NLGN1: variants seen among roughly 807,000 people sequenced by gnomAD.
NLGN1 encodes the protein neuroligin 1.
NLGN1 carries 12 observed loss-of-function variants against 65.5 expected under a neutral mutation model. The ratio of observed to expected loss-of-function variants is 0.18; its 90% CI spans 0.12 to 0.30. The LOEUF (loss-of-function observed/expected upper bound fraction) is 0.30, where lower values mean the gene tolerates loss of function less well. NLGN1 is among the 10% of genes least tolerant of loss of function. The probability of loss-of-function intolerance (pLI) is 1.00; values close to 1 mark genes in which losing one functional copy is unlikely to be tolerated. For synonymous variants in NLGN1, 350 were observed against 359.5 expected (o/e 0.97, Z 0.30); for missense variants, 750 against 1,007.1 (o/e 0.74, Z 3.46).
chr3:173,782,324 T>C (rs957051539), intron 3 of NLGN1, among the ~76,000 whole-genome samples: 4 of 152,092 alleles, frequency 2.6e-5, no homozygotes, highest in Non-Finnish European at 4.4e-5. Flanking sequence ...AGCAAATTAA[T>C]TGAATGCATT....
intron 3 of NLGN1, among the ~76,000 whole-genome samples, chr3:173,730,711 T>TA (rs546699996): frequency 2.0e-5 from 3 of 151,806 alleles, no homozygotes; most frequent in Admixed American, 6.6e-5. Flanking sequence ...ACGCTGCAAA[T>TA]AAAAAAATGA....
rs368821206 is a variant in NLGN1, at chr3:174,271,338, C to CTTGT, written c.647-3973_647-3970dup. Among the ~76,000 whole-genome samples, 355 of 151,258 alleles carry CTTGT rather than the reference C, an allele frequency of 2.3e-3. 2 individuals carry two copies. The highest frequency in any genetic ancestry group is 7.9e-3 in the African/African-American group (327 of 41,292). On this transcript the variant is annotated intron_variant, in intron 4 of 6. Coordinates refer to ENST00000457714, the Ensembl canonical transcript of NLGN1. The stretch of plus-strand genomic sequence containing the variant: ...AACATTCTAAAGATATTTGTACATG[C>CTTGT]TTGTTTGATTGTATTGTAAGAGACC...
chr3:173,801,524 A>C (rs1480807578), intron 3 of NLGN1, among the ~76,000 whole-genome samples: 1 of 152,054 alleles, frequency 6.6e-6, no homozygotes, highest in Admixed American at 6.5e-5. Flanking sequence ...TTTTACTAAA[A>C]TATTTGCCTT....
intron 3 of NLGN1, among the ~76,000 whole-genome samples, chr3:173,684,094 C>A (rs1764350689): frequency 2.6e-5 from 4 of 151,966 alleles, no homozygotes; most frequent in Admixed American, 2.0e-4. Context: ...TTGTATATAA[C>A]AAGTGTACCT....
chr3:174,028,331 T>C (rs1729259956), intron 4 of NLGN1, among the ~76,000 whole-genome samples: 3 of 152,124 alleles, frequency 2.0e-5, no homozygotes, highest in Admixed American at 1.3e-4. Flanking sequence ...TGAATGACTT[T>C]GAAAAAATGC....
chr3:174,119,469 G>C (rs1366100733), intron 4 of NLGN1, among the ~76,000 whole-genome samples: 1 of 151,906 alleles, frequency 6.6e-6, no homozygotes, highest in South Asian at 2.1e-4. Context: ...TTAAAATTTT[G>C]TGCCAACCTA....
At chr3:173,632,144 T>C (rs547200247) in intron 3 of NLGN1, among the ~76,000 whole-genome samples, 1 of 152,284 alleles carries the variant, frequency 6.6e-6, no homozygotes, top group East Asian at 1.9e-4. Context: ...TTCCAGATTG[T>C]AGGGAATGAA....
At chr3:174,142,020 A>T (rs1222697459) in intron 4 of NLGN1, among the ~76,000 whole-genome samples, 1 of 152,124 alleles carries the variant, frequency 6.6e-6, no homozygotes, top group East Asian at 1.9e-4. Context: ...GTACCCTTCT[A>T]ATCTCAACTT....
chr3:173,847,465 A>G (rs1725997628), intron 4 of NLGN1, among the ~76,000 whole-genome samples: 2 of 152,196 alleles, frequency 1.3e-5, no homozygotes, highest in African/African-American at 4.8e-5. Context: ...GTTTCCAACA[A>G]TGATGGCTAC....
At chr3:173,707,799 G>T (rs1402030676) in intron 3 of NLGN1, among the ~76,000 whole-genome samples, 1 of 152,144 alleles carries the variant, frequency 6.6e-6, no homozygotes, top group Non-Finnish European at 1.5e-5. Flanking sequence ...TAGCTTGCCT[G>T]CTGCCAATAT....
chr3:173,725,026 C>A (rs1560241912), intron 3 of NLGN1, among the ~76,000 whole-genome samples: 1 of 149,588 alleles, frequency 6.7e-6, no homozygotes, highest in Non-Finnish European at 1.5e-5. Flanking sequence ...ATCCAGGGGC[C>A]TATTGTGGGG....
intron 2 of NLGN1, among the ~76,000 whole-genome samples, chr3:173,592,827 A>G (rs1269580263): frequency 6.6e-6 from 1 of 152,170 alleles, no homozygotes; most frequent in African/African-American, 2.4e-5. Context: ...GTATGATTAT[A>G]ATGATTCTCA....
intron 2 of NLGN1, among the ~76,000 whole-genome samples, chr3:173,600,680 A>G (rs1296697802): frequency 7.0e-6 from 1 of 142,762 alleles, no homozygotes; most frequent in Non-Finnish European, 1.5e-5. Context: ...TTCATCATGT[A>G]TTTATTGAAC....
chr3:173,508,497 G>A (rs779967111), intron 2 of NLGN1, among the ~76,000 whole-genome samples: 4 of 152,196 alleles, frequency 2.6e-5, no homozygotes, highest in South Asian at 2.1e-4. Context: ...GAGGCTCCCC[G>A]TATTATACAT....
chr3:173,818,790 G>A (rs984414258), intron 4 of NLGN1, among the ~76,000 whole-genome samples: 15 of 151,288 alleles, frequency 9.9e-5, no homozygotes, highest in Admixed American at 7.2e-4. Flanking sequence ...TAACAACAAA[G>A]ATATGGGTCT....
rs147885047 is a variant in NLGN1, at chr3:174,269,430, A to G, written c.647-5885A>G. On this transcript the variant is annotated intron_variant, in intron 4 of 6. Coordinates refer to ENST00000457714, the Ensembl canonical transcript of NLGN1. ...ATATTTCATATGAGTAGAATCCTAC[A>G]GTATTTGCTTTTTTTGTGACTGGCT... 3.0e-4 allele frequency among the ~76,000 whole-genome samples: 46 copies of G among 152,020 alleles called. No individual in the cohort carries two copies. In the East Asian group the frequency reaches 8.7e-3, roughly 29 times the overall value.
Position 173,971,744 on chromosome 3 carries a change from T to C in NLGN1, c.646+163912T>C, listed in dbSNP as rs1716290169. ...AAGGCATGAAGGACTGGTTCCTAACTCATACCAAAAAGCCAATACTTGTGT... is the reference window on the plus strand; with the variant it reads ...AAGGCATGAAGGACTGGTTCCTAACCCATACCAAAAAGCCAATACTTGTGT... On this transcript the variant is annotated intron_variant, in intron 4 of 6. Transcript: ENST00000457714. Among the ~76,000 whole-genome samples the C allele has an allele frequency of 2.0e-5, 3 of 152,034 alleles. No individual in the cohort carries two copies. In the South Asian group the frequency reaches 6.2e-4, roughly 32 times the overall value.
rs745397560 is a variant in NLGN1 at position 173,539,662 on chromosome 3, T to TATATGTACATATATAACATATATGTAC, written c.-320-64612_-320-64611insTACATATATAACATATATGTACATATG. Among the ~76,000 whole-genome samples, 314 of 116,136 alleles carry TATATGTACATATATAACATATATGTAC rather than the reference T, an allele frequency of 2.7e-3. 6 individuals are homozygous for TATATGTACATATATAACATATATGTAC. Among genetic ancestry groups the TATATGTACATATATAACATATATGTAC allele is most frequent in the Admixed American group, 3.9e-3 (45 of 11,514 alleles). The allele number at this position is 116,136 out of a possible 152,430, so 76.2% of individuals were successfully genotyped here. ...TATATACATATATAACATATGTGTA[T>TATATGTACATATATAACATATATGTAC]ATATGCACATATATAACATACATAT... On this transcript the variant is annotated intron_variant, in intron 2 of 6. Coordinates refer to ENST00000457714, the Ensembl canonical transcript of NLGN1.
chr3:173,476,181 G>A (rs1463144672), intron 2 of NLGN1, among the ~76,000 whole-genome samples: 1 of 152,202 alleles, frequency 6.6e-6, no homozygotes, highest in Non-Finnish European at 1.5e-5. Context: ...CTTTAGATCA[G>A]CAGAGTGCTG....
Sources: gnomAD v4.1 joint callset for allele counts (sites outside exome capture counted in the v4.1 genomes callset) on GRCh38, gnomAD v4.1.1 for gene constraint, MANE v1.5 for transcripts, NCBI Gene and HGNC (gene_info 2026-07-23, HGNC 2026-07-21) for gene names.